Variants in YARS2 observed in about 807,000 individuals in gnomAD.
YARS2 encodes the protein tyrosyl-tRNA synthetase 2.
Under a neutral mutation model 45.0 loss-of-function variants are expected in YARS2, and 38 were observed. The ratio of observed to expected loss-of-function variants is 0.84; its 90% CI spans 0.65 to 1.11. The LOEUF (loss-of-function observed/expected upper bound fraction) is 1.11. YARS2 is among the 50% of genes least tolerant of loss of function. YARS2 has a pLI of 0.00. For synonymous variants in YARS2, 287 were observed against 245.1 expected (o/e 1.17, Z -1.60); for missense variants, 602 against 599.8 (o/e 1.00, Z -0.04).
At position 32,747,216 on chromosome 12, in the gene YARS2, C is replaced by T. The variant is rs1333722942; in HGVS notation, c.1422G>A (p.Trp474Ter). The T allele has an allele frequency of 6.2e-7, 1 of 1,612,702 alleles. No homozygotes were observed. The highest frequency in any genetic ancestry group is 8.5e-7 in the Non-Finnish European group (1 of 1,179,880). The change falls in exon 5 of 5, where the codon TGG (tryptophan) becomes TGA (stop). Residue 474 changes from tryptophan to a stop codon, truncating the protein, a stop_gained. Coordinates refer to ENST00000324868, the MANE Select transcript of YARS2 (RefSeq NM_001040436.3). LOFTEE classifies it high-confidence loss of function. ...IGKRNFYIIK[W>*]LQL Reference sequence around the variant, plus strand: ...GAAGGACTTTTCATCACAACTGAAGCCATTTTATAATGTAGAAATTTCTTT... The same window carrying T: ...GAAGGACTTTTCATCACAACTGAAGTCATTTTATAATGTAGAAATTTCTTT...
intron 2 of YARS2, among the ~76,000 whole-genome samples, chr12:32,751,629 T>C (rs774934495): frequency 2.6e-5 from 4 of 152,200 alleles, no homozygotes; most frequent in Non-Finnish European, 5.9e-5. Flanking sequence ...CCCAACCTTT[T>C]TGGCACCACG....
chr12:32,755,520 G>A lies in YARS2; in HGVS notation c.355C>T (p.Leu119=), dbSNP rs1348373715. Residue 119 remains leucine (L), a synonymous_variant, in exon 1 of 5, where the codon CTG becomes TTG. Transcript: ENST00000324868. ...IALVGGATAR[L]GDPSGRTKER... ...TTGGTACGGCCGCTCGGGTCTCCCA[G>A]GCGCGCCGTGGCGCCTCCCACCAGC... The A allele has an allele frequency of 3.1e-6, 5 of 1,612,762 alleles. No individual in the cohort carries two copies. The Admixed American group carries it at 6.7e-5, about 22-fold the overall frequency.
In YARS2 at chr12:32,747,077, C is replaced by CT; in HGVS notation, c.*126dup. The stretch of plus-strand genomic sequence containing the variant: ...CATAAAAATAATGAAGTTACTCACA[C>CT]TGAGTCCTAGTCCATTCTGTTTTTC... On this transcript the variant is annotated 3_prime_UTR_variant, in exon 5 of 5. Coordinates refer to ENST00000324868, the MANE Select transcript of YARS2 (RefSeq NM_001040436.3). The CT allele has an allele frequency of 1.2e-6, 1 of 866,800 alleles. No individual in the cohort carries two copies. Among genetic ancestry groups the CT allele is most frequent in the South Asian group, 1.6e-5 (1 of 63,464 alleles). 53.7% of individuals were successfully genotyped at this position (866,800 alleles called of 1,614,324 possible). A position where few individuals can be genotyped will look rare whatever the true frequency, so the allele number is the denominator to read the frequency against.
chr12:32,755,235 T>C lies in YARS2; in HGVS notation c.640A>G (p.Met214Val), dbSNP rs371296229. Residue 214 changes from methionine (M) to valine (V), a missense_variant, in exon 1 of 5, where the codon ATG becomes GTG. Coordinates refer to ENST00000324868, the MANE Select transcript of YARS2 (RefSeq NM_001040436.3). ...TGGTAAAAGAACTCGGCCAAGCTCA[T>C]GCCCTCGGGGCTCTTGAGCCGCAGC... ...VQLRLKSPEG[M>V]SLAEFFYQVL... 5.6e-6 allele frequency: 9 copies of C among 1,614,082 alleles called. No homozygotes were observed. In the South Asian group the frequency reaches 6.6e-5, roughly 12 times the overall value.
chr12:32,748,094 G>T (rs895961601), intron 4 of YARS2, among the ~76,000 whole-genome samples: 1 of 152,154 alleles, frequency 6.6e-6, no homozygotes, highest in African/African-American at 2.4e-5. Flanking sequence ...AAAGAAAAAT[G>T]GTGGTTTTCT....
intron 1 of YARS2, among the ~76,000 whole-genome samples, chr12:32,754,348 G>A (rs1443495016): frequency 6.6e-6 from 1 of 152,154 alleles, no homozygotes; most frequent in African/African-American, 2.4e-5. Context: ...AGGCTGAGTG[G>A]GAAGGAGAAA....
chr12:32,753,815 C>T lies in YARS2; in HGVS notation c.947+103G>A, dbSNP rs746011732. 4.3e-5 allele frequency: 63 copies of T among 1,461,902 alleles called. No homozygotes were observed. In the East Asian group the frequency reaches 5.7e-4, roughly 13 times the overall value. The allele number at this position is 1,461,902 out of a possible 1,614,324, so 90.6% of individuals were successfully genotyped here. A position where few individuals can be genotyped will look rare whatever the true frequency, so the allele number is the denominator to read the frequency against. On this transcript the variant is annotated intron_variant, in intron 2 of 4. Transcript: ENST00000324868. Reference sequence around the variant, plus strand: ...ATGGTTTATGTACAGACAGAAACTACGTTAAAAACAAAAAAACTATAAAAT... The same window carrying T: ...ATGGTTTATGTACAGACAGAAACTATGTTAAAAACAAAAAAACTATAAAAT...
Position 32,754,946 on chromosome 12 carries a change from G to A in YARS2, c.779+150C>T, listed in dbSNP as rs76893371. On this transcript the variant is annotated intron_variant, in intron 1 of 4. Coordinates refer to ENST00000324868, the MANE Select transcript of YARS2 (RefSeq NM_001040436.3). The stretch of plus-strand genomic sequence containing the variant: ...AGCCCTTTAATTCTTATTAGCCAGT[G>A]TTATTAACGCCATTATAGAGCCTTA... 3,012 of 969,974 alleles carry A rather than the reference G, an allele frequency of 3.1e-3. 60 individuals carry two copies. In the African/African-American group the frequency reaches 0.043, roughly 14 times the overall value. 60.1% of individuals were successfully genotyped at this position (969,974 alleles called of 1,614,324 possible). A position where few individuals can be genotyped will look rare whatever the true frequency, so the allele number is the denominator to read the frequency against.
At position 32,755,498 on chromosome 12, in the gene YARS2, G is replaced by T; in HGVS notation, c.377C>A (p.Thr126Asn). The change falls in exon 1 of 5, where the codon ACC becomes AAC. Residue 126 changes from threonine (T) to asparagine (N), a missense_variant. Transcript: ENST00000324868. The part of the protein sequence containing the change: ...TARLGDPSGR[T>N]KEREALETER... ...TGTCTCCAGCGCCTCGCGTTCCTTG[G>T]TACGGCCGCTCGGGTCTCCCAGGCG... 6 of 1,612,346 alleles carry T rather than the reference G, an allele frequency of 3.7e-6. No individual in the cohort carries two copies. Among genetic ancestry groups the T allele is most frequent in the Non-Finnish European group, 5.1e-6 (6 of 1,179,468 alleles).
rs886049304 is a variant in YARS2, at chr12:32,755,548, G to A, written c.327C>T (p.Ile109=). ...FHLQRAGHNV[I]ALVGGATARL... ...GCGCCGTGGCGCCTCCCACCAGCGC[G>A]ATCACGTTGTGGCCCGCTCGCTGCA... Residue 109 remains isoleucine, a synonymous_variant, in exon 1 of 5, where the codon ATC becomes ATT. Transcript: ENST00000324868. The A allele has an allele frequency of 5.0e-6, 8 of 1,613,486 alleles. No homozygotes were observed. Among genetic ancestry groups the A allele is most frequent in the East Asian group, 2.2e-5 (1 of 44,884 alleles).
At position 32,747,282 on chromosome 12, in the gene YARS2, T is replaced by C. The variant is rs148729348; in HGVS notation, c.1356A>G (p.Gln452=). 1.7e-3 allele frequency: 2,722 copies of C among 1,614,020 alleles called. 42 individuals are homozygous for C. In the African/African-American group the frequency reaches 0.033, roughly 19 times the overall value. The change falls in exon 5 of 5, where the codon CAA becomes CAG. Residue 452 remains glutamine (Q), a synonymous_variant. Coordinates refer to ENST00000324868, the MANE Select transcript of YARS2 (RefSeq NM_001040436.3). ...TNPESVLIVG[Q]HILKNGLSLL... ...AGGAAAGTCCATTCTTGAGAATATG[T>C]TGTCCAACAATTAAAACACTCTCAG...
At chr12:32,749,687 TCTC>T (rs1955701822) in intron 4 of YARS2, among the ~76,000 whole-genome samples, 1 of 152,076 alleles carries the variant, frequency 6.6e-6, no homozygotes, top group South Asian at 2.1e-4. Context: ...TTGATGCCAT[TCTC>T]CTGCCTCAGC....
intron 2 of YARS2, among the ~76,000 whole-genome samples, chr12:32,753,615 G>T (rs1391296416): frequency 6.6e-6 from 1 of 152,108 alleles, no homozygotes; most frequent in East Asian, 1.9e-4. Flanking sequence ...GGGTAGTCAA[G>T]GTTAAGTTGA....
At position 32,750,214 on chromosome 12, in the gene YARS2, T is replaced by G. The variant is rs10844339; in HGVS notation, c.1104-107A>C. On this transcript the variant is annotated intron_variant, in intron 3 of 4. Coordinates refer to ENST00000324868, the MANE Select transcript of YARS2 (RefSeq NM_001040436.3). ...TGTCCAAGTTCTAGACTAAAAGTTT[T>G]TTTTTGAGATGGAGTCTCGCTCTGT... 0.14 allele frequency: 188,327 copies of G among 1,381,304 alleles called. 13,062 individuals carry two copies. Among genetic ancestry groups the G allele is most frequent in the Middle Eastern group, 0.18 (948 of 5,236 alleles). 85.6% of individuals were successfully genotyped at this position (1,381,304 alleles called of 1,614,324 possible).
chr12:32,755,491 T>G lies in YARS2; in HGVS notation c.384A>C (p.Glu128Asp). 6.2e-7 allele frequency: 1 copy of G among 1,612,424 alleles called. No individual in the cohort carries two copies. Among genetic ancestry groups the G allele is most frequent in the Non-Finnish European group, 8.5e-7 (1 of 1,179,456 alleles). Residue 128 changes from glutamate (E) to aspartate (D), a missense_variant, in exon 1 of 5, where the codon GAA (glutamate) becomes GAC (aspartate). Coordinates refer to ENST00000324868, the MANE Select transcript of YARS2 (RefSeq NM_001040436.3). ...CGCGCTCTGTCTCCAGCGCCTCGCG[T>G]TCCTTGGTACGGCCGCTCGGGTCTC... ...RLGDPSGRTKEREALETERVR... is the reference protein window; with the variant it reads ...RLGDPSGRTKDREALETERVR...
chr12:32,751,670 T>C (rs908380355), intron 2 of YARS2, among the ~76,000 whole-genome samples: 5 of 152,192 alleles, frequency 3.3e-5, no homozygotes, highest in African/African-American at 1.2e-4. Context: ...GGTTTCAGAA[T>C]GAAACTGTTC....
chr12:32,749,576 C>A (rs191122566), intron 4 of YARS2, among the ~76,000 whole-genome samples: 64 of 152,232 alleles, frequency 4.2e-4, no homozygotes, highest in Admixed American at 3.1e-3. Flanking sequence ...ATGCTGTGAA[C>A]TGTAACATTT....
At chr12:32,753,465 C>T (rs1955787895) in intron 2 of YARS2, among the ~76,000 whole-genome samples, 1 of 152,056 alleles carries the variant, frequency 6.6e-6, no homozygotes, top group African/African-American at 2.4e-5. Flanking sequence ...ATTTTTTTCA[C>T]TTTTTGTTGC....
rs768932120 is a variant in YARS2 at position 32,750,264 on chromosome 12, T to C, written c.1104-157A>G. On this transcript the variant is annotated intron_variant, in intron 3 of 4. Transcript: ENST00000324868. ...TTGCCCCGGCTGGATTGCAATGGCA[T>C]GATCTCGGCTCACAGCAACCTCTGC... 5.4e-4 allele frequency among the ~76,000 whole-genome samples: 82 copies of C among 152,208 alleles called. 2 individuals carry two copies. Among genetic ancestry groups the C allele is most frequent in the Middle Eastern group, 3.4e-3 (1 of 294 alleles).
Sources: gnomAD v4.1 joint callset for allele counts (sites outside exome capture counted in the v4.1 genomes callset) on GRCh38, gnomAD v4.1.1 for gene constraint, MANE v1.5 for transcripts, NCBI Gene and HGNC (gene_info 2026-07-23, HGNC 2026-07-21) for gene names.